The following ZNF529 variants were observed in gnomAD, a reference collection of about 807,000 sequenced individuals.
The protein encoded by ZNF529 is zinc finger protein 529.
ZNF529 carries 11 observed loss-of-function variants against 10.1 expected under a neutral mutation model. The ratio of observed to expected loss-of-function variants is 1.09; its 90% CI spans 0.69 to 1.81. The LOEUF (loss-of-function observed/expected upper bound fraction) is 1.81, where lower values mean the gene tolerates loss of function less well. Among genes scored for constraint, ZNF529 ranks in the 40% most tolerant of loss-of-function variants. ZNF529 has a pLI of 0.00. For missense variants in ZNF529, 624 were observed against 666.8 expected, an observed-to-expected ratio of 0.94 and a Z score of 0.71; for synonymous variants, 204 against 215.7, an observed-to-expected ratio of 0.95 and a Z score of 0.47.
upstream of ZNF529, chr19:36,573,555 G>A (rs752150373): frequency 2.1e-6 from 1 of 465,962 alleles, no homozygotes; most frequent in South Asian, 1.6e-5. Context: ...CGGGAACCCA[G>A]GTTGGGAGGA....
chr19:36,591,429 G>A (rs1369646368), intron 1 of ZNF529, among the ~76,000 whole-genome samples: 3 of 151,816 alleles, frequency 2.0e-5, no homozygotes, highest in Non-Finnish European at 4.4e-5. Context: ...GATACATTAA[G>A]GAAATTGAGG....
upstream of ZNF529, chr19:36,573,397 T>G (rs1266219059): frequency 6.4e-6 from 3 of 466,150 alleles, 1 homozygote; most frequent in South Asian, 3.1e-5. Context: ...CGGAGCCCGC[T>G]GGCCGCAGGG....
chr19:36,585,683 G>C (rs1226783746), intron 2 of ZNF529, among the ~76,000 whole-genome samples: 1 of 152,198 alleles, frequency 6.6e-6, no homozygotes, highest in African/African-American at 2.4e-5. Context: ...ATACAAAAGA[G>C]ATTACTATGA....
rs867021175 is a variant in ZNF529, at chr19:36,547,878, C to T, written c.680G>A (p.Cys227Tyr). The change falls in exon 5 of 5, where the codon TGT (cysteine) becomes TAT (tyrosine). Residue 227 changes from cysteine to tyrosine, a missense_variant. Cys to Tyr is a radical substitution (Grantham distance 194). Transcript: ENST00000591340. The stretch of plus-strand genomic sequence containing the variant: ...TGTATTCCCATATTCCATATATTTA[C>T]AAGGTTTCACACCAGTATGAATATT... Reference protein sequence around the residue: ...QLNIHTGVKPCKYMEYGNTCS... With the variant: ...QLNIHTGVKPYKYMEYGNTCS... 1 of 1,612,056 alleles carries T rather than the reference C, an allele frequency of 6.2e-7. No homozygotes were observed. The highest frequency in any genetic ancestry group is 8.5e-7 in the Non-Finnish European group (1 of 1,178,606).
rs914336745 is a variant in ZNF529 at position 36,546,213 on chromosome 19, T to A, written c.*653A>T. Reference sequence around the variant, plus strand: ...ACACATACACTATATACACTATATGTGTATATACACTATATGTATATAGTG... The same window carrying A: ...ACACATACACTATATACACTATATGAGTATATACACTATATGTATATAGTG... On this transcript the variant is annotated 3_prime_UTR_variant, in exon 5 of 5. Transcript: ENST00000591340. The A allele has an allele frequency of 1.4e-4, 19 of 139,312 alleles. No homozygotes were observed. The highest frequency in any genetic ancestry group is 5.0e-4 in the African/African-American group (18 of 35,808). The allele number at this position is 139,312 out of a possible 1,614,324, so 8.6% of individuals were successfully genotyped here. A position where few individuals can be genotyped will look rare whatever the true frequency, so the allele number is the denominator to read the frequency against.
At chr19:36,602,222 A>G (rs1238590291) in intron 1 of ZNF529, among the ~76,000 whole-genome samples, 2 of 151,512 alleles carry the variant, frequency 1.3e-5, no homozygotes, top group Non-Finnish European at 2.9e-5. Flanking sequence ...TAATTTTTGT[A>G]TTTTTAGTAG....
rs10593037 is a variant in ZNF529 at position 36,546,061 on chromosome 19, G to GTATATATATATATATATATATATA, written c.*804_*805insTATATATATATATATATATATATA. The stretch of plus-strand genomic sequence containing the variant: ...ATACATATATTGTGTGTGTGTGTGT[G>GTATATATATATATATATATATATA]TATATATATATATATATATAGTGTG... On this transcript the variant is annotated 3_prime_UTR_variant, in exon 5 of 5. Coordinates refer to ENST00000591340, the MANE Select transcript of ZNF529 (RefSeq NM_020951.5). 18 of 130,112 alleles carry GTATATATATATATATATATATATA rather than the reference G, an allele frequency of 1.4e-4. No individual in the cohort carries two copies. The highest frequency in any genetic ancestry group is 7.0e-4 in the East Asian group (3 of 4,288). 8.1% of individuals were successfully genotyped at this position (130,112 alleles called of 1,614,324 possible).
chr19:36,584,684 T>C (rs1050247136), intron 2 of ZNF529, among the ~76,000 whole-genome samples: 1 of 151,756 alleles, frequency 6.6e-6, no homozygotes, highest in Non-Finnish European at 1.5e-5. Context: ...AGATAATCGC[T>C]TGAACCCAGG....
intron 2 of ZNF529, among the ~76,000 whole-genome samples, chr19:36,562,212 C>CG (rs2035727488): frequency 2.0e-5 from 3 of 149,576 alleles, no homozygotes; most frequent in Admixed American, 6.6e-5. Flanking sequence ...CACTGCAGCC[C>CG]AGGGGAAAAA....
chr19:36,603,698 A>C (rs1413165652), intron 1 of ZNF529, among the ~76,000 whole-genome samples: 3 of 152,190 alleles, frequency 2.0e-5, no homozygotes, highest in African/African-American at 7.2e-5. Context: ...TCCATAACCC[A>C]TGCTGAATAT....
chr19:36,561,287 G>T (rs889551993), intron 2 of ZNF529, among the ~76,000 whole-genome samples: 20 of 152,194 alleles, frequency 1.3e-4, no homozygotes, highest in Non-Finnish European at 2.4e-4. Context: ...CTGCTCTGGA[G>T]GGCAAAGTGG....
At chr19:36,587,040 G>C (rs2036594670) in intron 2 of ZNF529, among the ~76,000 whole-genome samples, 1 of 152,184 alleles carries the variant, frequency 6.6e-6, no homozygotes, top group African/African-American at 2.4e-5. Flanking sequence ...TGAGGCAGGT[G>C]GATCACTTAA....
chr19:36,563,516 C>G (rs2035790768), intron 2 of ZNF529, among the ~76,000 whole-genome samples: 1 of 151,882 alleles, frequency 6.6e-6, no homozygotes, highest in East Asian at 1.9e-4. Context: ...AGCCGAGAAC[C>G]AAATCAGGAA....
chr19:36,568,606 G>C (rs771784516), intron 2 of ZNF529, among the ~76,000 whole-genome samples: 1 of 151,790 alleles, frequency 6.6e-6, no homozygotes, highest in Non-Finnish European at 1.5e-5. Flanking sequence ...TGTGCAGCTG[G>C]GATTACAGGT....
At chr19:36,572,834 CCATCACAGA>C (rs765242613) in intron 1 of ZNF529, among the ~76,000 whole-genome samples, 9 of 152,078 alleles carry the variant, frequency 5.9e-5, no homozygotes, top group Non-Finnish European at 1.3e-4. Flanking sequence ...CGAAGAGATT[CCATCACAGA>C]CATCACAGAG....
intron 2 of ZNF529, among the ~76,000 whole-genome samples, chr19:36,585,054 G>C (rs1224958236): frequency 1.3e-5 from 2 of 152,138 alleles, no homozygotes; most frequent in Non-Finnish European, 2.9e-5. Context: ...GGGAGGCCTG[G>C]TGACAGCTCT....
In ZNF529 at chr19:36,581,265, T is replaced by C. The variant is rs556937630; in HGVS notation, c.-41+8350A>G. The C allele has an allele frequency of 2.6e-5, 4 of 152,258 alleles. No individual in the cohort carries two copies. In the South Asian group the frequency reaches 8.3e-4, roughly 32 times the overall value. The allele number at this position is 152,258 out of a possible 1,614,324, so 9.4% of individuals were successfully genotyped here. ...GAAACCTATACAGTCCTTCAATACA[T>C]GGAAATTAAATAACACACTTCTAGA... On this transcript the variant is annotated intron_variant, in intron 2 of 4. Transcript: ENST00000585960.
chr19:36,555,127 AGG>A (rs1029922432), intron 3 of ZNF529, among the ~76,000 whole-genome samples: 29 of 152,326 alleles, frequency 1.9e-4, no homozygotes, highest in African/African-American at 6.7e-4. Flanking sequence ...TCATCAATAA[AGG>A]TAAGTTTCTA....
At chr19:36,555,998 A>T in intron 3 of ZNF529, 106 bp downstream of exon 3, 1 of 1,164,100 alleles carries the variant, frequency 8.6e-7, no homozygotes, top group South Asian at 1.5e-5. Flanking sequence ...CCTTACTAGA[A>T]AGCGAAGAAG....
Sources: gnomAD v4.1 joint callset for allele counts (sites outside exome capture counted in the v4.1 genomes callset) on GRCh38, gnomAD v4.1.1 for gene constraint, MANE v1.5 for transcripts, NCBI Gene and HGNC (gene_info 2026-07-23, HGNC 2026-07-21) for gene names.